The following FREM1 variants were observed in gnomAD, a reference collection of about 807,000 sequenced individuals.
The protein encoded by FREM1 is FRAS1-related extracellular matrix protein 1.
A neutral mutation model predicts 210.1 loss-of-function variants in FREM1; 220 were observed. The observed-to-expected ratio is 1.05, with a 90% CI of 0.94 to 1.17. The LOEUF (loss-of-function observed/expected upper bound fraction) is 1.17, where lower values mean the gene tolerates loss of function less well. Among genes scored for constraint, FREM1 ranks in the 50% most tolerant of loss-of-function variants. FREM1 has a pLI of 0.00. For synonymous variants in FREM1, 1,189 were observed against 980.2 expected, an observed-to-expected ratio of 1.21 and a Z score of -3.98; for missense variants, 3,454 against 2,675.5, an observed-to-expected ratio of 1.29 and a Z score of -6.42.
intron 14 of FREM1, 23 bp from the exon 15 acceptor site, chr9:14,816,894 C>A: frequency 1.0e-6 from 1 of 992,680 alleles, no homozygotes; most frequent in Non-Finnish European, 1.4e-6. Flanking sequence ...TATTTGTCAC[C>A]AACCTCTTAG....
chr9:14,763,830 C>T (rs914239499), intron 27 of FREM1, among the ~76,000 whole-genome samples: 3 of 152,176 alleles, frequency 2.0e-5, no homozygotes, highest in African/African-American at 4.8e-5. Flanking sequence ...CAAGGAAGCA[C>T]AGGTCTTTGG....
At chr9:14,782,970 C>G (rs1051896541) in intron 24 of FREM1, among the ~76,000 whole-genome samples, 24 of 152,208 alleles carry the variant, frequency 1.6e-4, no homozygotes, top group African/African-American at 5.5e-4. Flanking sequence ...ACTACTCCAT[C>G]TCTCAAACAA....
chr9:14,902,138 A>G (rs1157540726), intron 1 of FREM1, among the ~76,000 whole-genome samples: 1 of 151,964 alleles, frequency 6.6e-6, no homozygotes, highest in Non-Finnish European at 1.5e-5. Flanking sequence ...GAGCCACCAC[A>G]CTTGGCTGTT....
intron 25 of FREM1, among the ~76,000 whole-genome samples, chr9:14,774,628 A>T (rs1402753856): frequency 6.6e-6 from 1 of 151,536 alleles, no homozygotes; most frequent in Non-Finnish European, 1.5e-5. Flanking sequence ...GATAAATTTT[A>T]TCTATTTTGT....
At chr9:14,831,334 C>G (rs1384412200) in intron 10 of FREM1, among the ~76,000 whole-genome samples, 4 of 152,358 alleles carry the variant, frequency 2.6e-5, no homozygotes, top group Admixed American at 6.5e-5. Context: ...AACAAAGTTA[C>G]AGCGAGGTTA....
intron 3 of FREM1, among the ~76,000 whole-genome samples, chr9:14,860,193 C>G (rs536885861): frequency 2.0e-5 from 3 of 151,990 alleles, no homozygotes; most frequent in Non-Finnish European, 4.4e-5. Flanking sequence ...TTATAAAAAC[C>G]TAGGATATCC....
intron 27 of FREM1, among the ~76,000 whole-genome samples, chr9:14,769,422 A>T (rs1039521057): frequency 1.3e-4 from 20 of 152,304 alleles, no homozygotes; most frequent in African/African-American, 4.8e-4. Context: ...TCAGTGTTGG[A>T]TGCTAGTGAA....
Position 14,869,124 on chromosome 9 carries a change from C to A in FREM1, c.-147G>T, listed in dbSNP as rs959483458. 7 of 562,658 alleles carry A rather than the reference C, an allele frequency of 1.2e-5. 1 individual carries two copies. The Middle Eastern group carries it at 1.4e-3, about 112-fold the overall frequency. 34.9% of individuals were successfully genotyped at this position (562,658 alleles called of 1,614,324 possible). On this transcript the variant is annotated 5_prime_UTR_variant, in exon 2 of 37. It adds an upstream start codon to the 5' untranslated region. Transcript: ENST00000380880. ...TGTGCCCCGAGATCTTAACATGCCC[C>A]TTTCATTTCAAAGTCAGACAAGGGG...
rs1401977972 is a variant in FREM1, at chr9:14,810,186, T to C, written c.2894-2052A>G. ...TGGGACAGATGGGATAGAAGATCTGTAGGGAGAGGCAATGGGGGAGAGAAA... is the reference window on the plus strand; with the variant it reads ...TGGGACAGATGGGATAGAAGATCTGCAGGGAGAGGCAATGGGGGAGAGAAA... On this transcript the variant is annotated intron_variant, in intron 16 of 36. Transcript: ENST00000380880. Among the ~76,000 whole-genome samples the C allele has an allele frequency of 2.0e-5, 3 of 151,806 alleles. No homozygotes were observed. In the South Asian group the frequency reaches 6.2e-4, roughly 32 times the overall value.
At chr9:14,812,555 A>C (rs1446273648) in intron 16 of FREM1, among the ~76,000 whole-genome samples, 1 of 152,194 alleles carries the variant, frequency 6.6e-6, no homozygotes. Context: ...GGGTGAATGG[A>C]AGGTCTGTGT....
intron 10 of FREM1, among the ~76,000 whole-genome samples, chr9:14,828,043 T>C (rs982213478): frequency 2.6e-5 from 4 of 152,170 alleles, no homozygotes; most frequent in Admixed American, 2.0e-4. Context: ...TTGCCTCAGG[T>C]GCAGGGCTGC....
intron 16 of FREM1, among the ~76,000 whole-genome samples, chr9:14,809,165 C>T (rs1210163031): frequency 6.6e-6 from 1 of 152,218 alleles, no homozygotes; most frequent in East Asian, 1.9e-4. Flanking sequence ...TTTCCCTGCA[C>T]AAGCTCTCTT....
intron 11 of FREM1, 98 bp downstream of exon 11, chr9:14,824,698 G>C: frequency 1.2e-6 from 1 of 812,700 alleles, no homozygotes; most frequent in Non-Finnish European, 1.9e-6. Context: ...AATGGAGCAA[G>C]TAAACCACAG....
intron 5 of FREM1, 152 bp from the exon 6 acceptor site, chr9:14,851,759 T>A: frequency 1.5e-6 from 1 of 688,978 alleles, no homozygotes; most frequent in Non-Finnish European, 2.6e-6. Flanking sequence ...TGGGGAGCTT[T>A]AAACACATGC....
intron 1 of FREM1, among the ~76,000 whole-genome samples, chr9:14,884,915 CTTTTTTTTTTTT>C (rs745465527): frequency 8.5e-5 from 6 of 70,396 alleles, no homozygotes; most frequent in Admixed American, 2.1e-4. Flanking sequence ...TTCATCATAG[CTTTTTTTTTTTT>C]TTTTTTTTTT....
rs545810802 is a variant in FREM1, at chr9:14,756,532, A to G, written c.5335-86T>C. 4.4e-6 allele frequency: 4 copies of G among 908,696 alleles called. No individual in the cohort carries two copies. In the East Asian group the frequency reaches 8.1e-5, roughly 18 times the overall value. The allele number at this position is 908,696 out of a possible 1,614,324, so 56.3% of individuals were successfully genotyped here. A position where few individuals can be genotyped will look rare whatever the true frequency, so the allele number is the denominator to read the frequency against. On this transcript the variant is annotated intron_variant, in intron 28 of 36. Transcript: ENST00000380880. The stretch of plus-strand genomic sequence containing the variant: ...GCTATTCTCCCTCATACTGGACTAA[A>G]CTCATGCTCTTAAATCTGTTTTTAA...
In FREM1 at chr9:14,760,282, T is replaced by C. The variant is rs545204752; in HGVS notation, c.5205-381A>G. Among the ~76,000 whole-genome samples the C allele has an allele frequency of 1.6e-4, 25 of 152,284 alleles. No individual in the cohort carries two copies. The South Asian group carries it at 4.8e-3, about 29-fold the overall frequency. ...CATTCCTTTTTGGAAAAGACACTGA[T>C]AGGAAGTCTTCTATCTTATCATTTA... On this transcript the variant is annotated intron_variant, in intron 27 of 36. Transcript: ENST00000380880.
intron 33 of FREM1, 40 bp from the exon 34 acceptor site, chr9:14,747,091 T>G (rs749631410): frequency 6.2e-7 from 1 of 1,612,108 alleles, no homozygotes; most frequent in African/African-American, 1.3e-5. Context: ...TAGAATTGAC[T>G]TAAGGAAAGT....
chr9:14,859,550 C>T, intron 3 of FREM1, 66 bp from the exon 4 acceptor site: 1 of 1,354,300 alleles, frequency 7.4e-7, no homozygotes, highest in Non-Finnish European at 1.0e-6. Flanking sequence ...CCCATGTACT[C>T]AGCTGGAAGA....
Sources: allele counts gnomAD v4.1 joint callset (sites outside exome capture counted in the v4.1 genomes callset), GRCh38; gene constraint gnomAD v4.1.1; transcripts MANE v1.5; gene names NCBI Gene and HGNC (gene_info 2026-07-23, HGNC 2026-07-21).